CDH12: variants seen among roughly 807,000 people sequenced by gnomAD.
The protein encoded by CDH12 is cadherin-12.
CDH12 carries 41 observed loss-of-function variants against 74.1 expected under a neutral mutation model. The ratio of observed to expected loss-of-function variants is 0.55; its 90% CI spans 0.43 to 0.72. The LOEUF is 0.72. Ranked by LOEUF, CDH12 falls within the 30% of genes least tolerant of loss-of-function variation. The pLI is 0.00. For missense variants in CDH12, 945 were observed against 977.2 expected, an observed-to-expected ratio of 0.97 and a Z score of 0.44; for synonymous variants, 399 against 355.0, an observed-to-expected ratio of 1.12 and a Z score of -1.39.
intron 5 of CDH12, among the ~76,000 whole-genome samples, chr5:22,035,387 T>C (rs1312101341): frequency 1.5e-5 from 2 of 131,250 alleles, no homozygotes; most frequent in South Asian, 4.3e-4. Flanking sequence ...CTGGCCTGTG[T>C]ATATATATAT....
At chr5:22,148,736 A>G (rs912805294) in intron 4 of CDH12, among the ~76,000 whole-genome samples, 4 of 152,120 alleles carry the variant, frequency 2.6e-5, no homozygotes. Flanking sequence ...GTATCAATCC[A>G]ATCTCCAACT....
chr5:22,839,352 C>CT (rs1293903338), intron 1 of CDH12, among the ~76,000 whole-genome samples: 11,381 of 120,208 alleles, frequency 0.095, 702 homozygotes, highest in South Asian at 0.14. Flanking sequence ...AATTACTTGT[C>CT]TTTTTTTTTT....
intron 6 of CDH12, among the ~76,000 whole-genome samples, chr5:21,890,972 A>T (rs180846054): frequency 6.6e-6 from 1 of 152,102 alleles, no homozygotes; most frequent in Non-Finnish European, 1.5e-5. Flanking sequence ...TATCCAAAGT[A>T]TATAAACCCC....
At chr5:22,592,358 C>A (rs1467618395) in intron 1 of CDH12, among the ~76,000 whole-genome samples, 1 of 152,148 alleles carries the variant, frequency 6.6e-6, no homozygotes, top group Non-Finnish European at 1.5e-5. Flanking sequence ...TCTCTCAAAA[C>A]TAAATTTCAT....
intron 5 of CDH12, among the ~76,000 whole-genome samples, chr5:22,014,623 T>C (rs1471693123): frequency 2.0e-5 from 3 of 152,162 alleles, no homozygotes; most frequent in Non-Finnish European, 2.9e-5. Flanking sequence ...TCAGTGTTAA[T>C]GACAGAATGC....
At chr5:22,466,629 G>A (rs893325573) in intron 2 of CDH12, among the ~76,000 whole-genome samples, 4 of 151,860 alleles carry the variant, frequency 2.6e-5, no homozygotes, top group Non-Finnish European at 2.9e-5. Flanking sequence ...AGGAGGCTGC[G>A]GTTTCCATTT....
chr5:22,124,111 C>T (rs765244917), intron 4 of CDH12, among the ~76,000 whole-genome samples: 13 of 151,324 alleles, frequency 8.6e-5, no homozygotes, highest in African/African-American at 1.9e-4. Context: ...GGGATTACAG[C>T]GCGCGCCAAC....
intron 3 of CDH12, among the ~76,000 whole-genome samples, chr5:22,303,475 A>G (rs887199563): frequency 2.0e-5 from 3 of 152,090 alleles, no homozygotes; most frequent in African/African-American, 7.2e-5. Context: ...CCAATAAAAT[A>G]TTTTTCTAAC....
intron 1 of CDH12, among the ~76,000 whole-genome samples, chr5:22,519,368 C>T (rs1363924559): frequency 6.6e-6 from 1 of 151,692 alleles, no homozygotes; most frequent in Non-Finnish European, 1.5e-5. Context: ...GTTCTCTCAC[C>T]ATGTCCAACT....
chr5:22,460,375 G>T (rs1483467642), intron 2 of CDH12, among the ~76,000 whole-genome samples: 3 of 152,126 alleles, frequency 2.0e-5, no homozygotes, highest in African/African-American at 7.2e-5. Context: ...CCACTGTTTG[G>T]CTCTCTGCTC....
chr5:22,664,686 A>T (rs1545967), intron 1 of CDH12, among the ~76,000 whole-genome samples: 104,988 of 152,000 alleles, frequency 0.69, 36,459 homozygotes, highest in Admixed American at 0.74. Flanking sequence ...ATTCTCTGTT[A>T]AACCATCACA....
At chr5:22,090,953 C>T (rs1743383946) in intron 4 of CDH12, among the ~76,000 whole-genome samples, 1 of 151,766 alleles carries the variant, frequency 6.6e-6, no homozygotes. Context: ...GATAATCTAA[C>T]AAGTCTCCAC....
rs72740001 is a variant in CDH12 at position 22,072,346 on chromosome 5, A to C, written c.231+6100T>G. ...TACTGAAATATGGCTACCTAGGCTC[A>C]CCTTGAAGTTTCAAGCCTCAGGGCT... is the stretch of plus-strand genomic sequence containing the variant. On this transcript the variant is annotated intron_variant, in intron 5 of 14. Coordinates refer to ENST00000382254, the MANE Select transcript of CDH12 (RefSeq NM_004061.5). 5.5e-3 allele frequency among the ~76,000 whole-genome samples: 833 copies of C among 152,130 alleles called. 6 individuals carry two copies. Among genetic ancestry groups the C allele is most frequent in the South Asian group, 0.014 (66 of 4,820 alleles).
intron 4 of CDH12, among the ~76,000 whole-genome samples, chr5:22,127,306 G>A (rs943090751): frequency 3.3e-5 from 5 of 151,678 alleles, no homozygotes; most frequent in African/African-American, 7.3e-5. Context: ...GGTGAAACCT[G>A]GTCTCTACAA....
chr5:22,697,186 A>G (rs994994327), intron 1 of CDH12, among the ~76,000 whole-genome samples: 13 of 152,164 alleles, frequency 8.5e-5, no homozygotes, highest in Non-Finnish European at 1.8e-4. Context: ...ATATTAAATT[A>G]TAGAGAAGGG....
In CDH12 at chr5:22,095,350, C is replaced by T. The variant is rs1020372536; in HGVS notation, c.-186-16488G>A. On this transcript the variant is annotated intron_variant, in intron 4 of 14. Transcript: ENST00000382254. ...TTTTCTGGTGGAGACAAAGGAGACA[C>T]GTTTTATCTGTGGACCCAAAACTCC... 5.3e-5 allele frequency among the ~76,000 whole-genome samples: 8 copies of T among 152,218 alleles called. No homozygotes were observed. The South Asian group carries it at 6.2e-4, about 12-fold the overall frequency.
intron 4 of CDH12, among the ~76,000 whole-genome samples, chr5:22,196,244 A>T (rs1049833860): frequency 6.7e-6 from 1 of 148,706 alleles, no homozygotes; most frequent in Non-Finnish European, 1.5e-5. Context: ...TCCCGGGTTT[A>T]GGCGATTCTC....
chr5:22,657,284 G>T (rs1347876726), intron 1 of CDH12, among the ~76,000 whole-genome samples: 1 of 152,082 alleles, frequency 6.6e-6, no homozygotes, highest in Non-Finnish European at 1.5e-5. Context: ...AGGATGCTTC[G>T]CTTCAGAGAT....
chr5:22,564,937 T>C (rs1008816297), intron 1 of CDH12, among the ~76,000 whole-genome samples: 5 of 152,072 alleles, frequency 3.3e-5, no homozygotes, highest in Non-Finnish European at 7.4e-5. Context: ...TTTTTCTTTG[T>C]TTTTTGTTTG....
Sources: allele counts gnomAD v4.1 joint callset (sites outside exome capture counted in the v4.1 genomes callset), GRCh38; gene constraint gnomAD v4.1.1; transcripts MANE v1.5; gene names NCBI Gene and HGNC (gene_info 2026-07-23, HGNC 2026-07-21).